The following ZMPSTE24 variants were observed in gnomAD, a reference collection of about 807,000 sequenced individuals.
The protein encoded by ZMPSTE24 is zinc metallopeptidase STE24.
ZMPSTE24 carries 48 observed loss-of-function variants against 56.7 expected under a neutral mutation model. The ratio of observed to expected loss-of-function variants is 0.85; its 90% CI spans 0.67 to 1.08. The LOEUF (loss-of-function observed/expected upper bound fraction) is 1.08. ZMPSTE24 is among the 50% of genes least tolerant of loss of function. The pLI is 0.00. For missense variants in ZMPSTE24, 503 were observed against 548.7 expected, an observed-to-expected ratio of 0.92 and a Z score of 0.83; for synonymous variants, 172 against 195.2, an observed-to-expected ratio of 0.88 and a Z score of 0.99.
Position 40,270,235 on chromosome 1 carries a change from A to C in ZMPSTE24, c.627+108A>C. The C allele has an allele frequency of 2.4e-6, 3 of 1,264,054 alleles. No homozygotes were observed. The East Asian group carries it at 7.0e-5, about 29-fold the overall frequency. 78.3% of individuals were successfully genotyped at this position (1,264,054 alleles called of 1,614,324 possible). ...CTTAAGAAGCAGCTGAAATATAAATAGGTGCTTATATACATTTCCCCCTTG... is the reference window on the plus strand; with the variant it reads ...CTTAAGAAGCAGCTGAAATATAAATCGGTGCTTATATACATTTCCCCCTTG... On this transcript the variant is annotated intron_variant, in intron 5 of 9. Coordinates refer to ENST00000372759, the MANE Select transcript of ZMPSTE24 (RefSeq NM_005857.5).
At chr1:40,269,488 C>G (rs1643591487) in intron 4 of ZMPSTE24, among the ~76,000 whole-genome samples, 1 of 152,112 alleles carries the variant, frequency 6.6e-6, no homozygotes, top group Non-Finnish European at 1.5e-5. Flanking sequence ...GCGACAGGGT[C>G]TCGTTCTGTC....
At chr1:40,268,020 C>A in intron 3 of ZMPSTE24, 148 bp downstream of exon 3, 1 of 717,014 alleles carries the variant, frequency 1.4e-6, no homozygotes, top group Non-Finnish European at 2.5e-6. Flanking sequence ...ATTGGCATAA[C>A]ATTAGTTACA....
chr1:40,263,493 T>G (rs113470232), intron 2 of ZMPSTE24, among the ~76,000 whole-genome samples: 7 of 152,330 alleles, frequency 4.6e-5, no homozygotes, highest in African/African-American at 1.7e-4. Flanking sequence ...CTGCTGAGTC[T>G]TTAAAATGAC....
intron 8 of ZMPSTE24, among the ~76,000 whole-genome samples, chr1:40,290,102 G>A (rs1042846440): frequency 6.6e-6 from 1 of 152,070 alleles, no homozygotes; most frequent in African/African-American, 2.4e-5. Context: ...AAAAACTACT[G>A]GCGGGGCAGT....
At chr1:40,269,657 G>A (rs994740973) in intron 4 of ZMPSTE24, among the ~76,000 whole-genome samples, 1 of 151,974 alleles carries the variant, frequency 6.6e-6, no homozygotes, top group African/African-American at 2.4e-5. Context: ...GTAGTGACAG[G>A]GTCTCACTAT....
intron 8 of ZMPSTE24, 58 bp downstream of exon 8, chr1:40,286,087 C>A (rs1643784759): frequency 6.8e-7 from 1 of 1,467,448 alleles, no homozygotes; most frequent in Non-Finnish European, 9.5e-7. Flanking sequence ...AGAACTATGG[C>A]AGGCATGAGA....
At chr1:40,288,255 C>A (rs1257470910) in intron 8 of ZMPSTE24, among the ~76,000 whole-genome samples, 1 of 152,186 alleles carries the variant, frequency 6.6e-6, no homozygotes, top group Non-Finnish European at 1.5e-5. Flanking sequence ...TGGGCACTTT[C>A]CTATATCTTT....
intron 2 of ZMPSTE24, 28 bp from the exon 3 acceptor site, chr1:40,267,758 T>A (rs1238961510): frequency 2.0e-6 from 3 of 1,507,846 alleles, no homozygotes; most frequent in Non-Finnish European, 2.8e-6. Context: ...ACTGTTCAAC[T>A]GTGATCAAAG....
intron 1 of ZMPSTE24, among the ~76,000 whole-genome samples, chr1:40,258,635 C>T (rs1041448923): frequency 1.3e-5 from 2 of 152,148 alleles, no homozygotes; most frequent in African/African-American, 4.8e-5. Flanking sequence ...TGGAGGAAGG[C>T]TTGGGCTCTT....
chr1:40,261,721 TTGTTTTTGAGCAGTGTCTTGCTC>T (rs1049611866), intron 2 of ZMPSTE24, among the ~76,000 whole-genome samples: 2 of 152,128 alleles, frequency 1.3e-5, no homozygotes, highest in African/African-American at 4.8e-5. Flanking sequence ...TGTTTTGTTT[TTGTTTTTGAGCAGTGTCTTGCTC>T]TGTCGCCCAG....
intron 7 of ZMPSTE24, among the ~76,000 whole-genome samples, chr1:40,284,684 G>T (rs373708410): frequency 6.6e-6 from 1 of 152,156 alleles, no homozygotes; most frequent in African/African-American, 2.4e-5. Context: ...CCCAGGAGGT[G>T]GAGGTTGCCG....
intron 6 of ZMPSTE24, among the ~76,000 whole-genome samples, 154 bp from the exon 7 acceptor site, chr1:40,281,189 G>A (rs1643725179): frequency 6.6e-6 from 1 of 152,216 alleles, no homozygotes; most frequent in Non-Finnish European, 1.5e-5. Flanking sequence ...ACTCTCCACT[G>A]CTGGTGGTGA....
chr1:40,279,741 C>G (rs992094692), intron 6 of ZMPSTE24, among the ~76,000 whole-genome samples: 2 of 152,014 alleles, frequency 1.3e-5, no homozygotes, highest in African/African-American at 4.8e-5. Flanking sequence ...TTGCCCAGTG[C>G]TGGTTGCAGG....
intron 6 of ZMPSTE24, among the ~76,000 whole-genome samples, chr1:40,277,475 T>C (rs946179661): frequency 1.3e-5 from 2 of 152,130 alleles, no homozygotes; most frequent in Non-Finnish European, 2.9e-5. Flanking sequence ...GATTCTGACT[T>C]AGTAGGTGTT....
intron 2 of ZMPSTE24, among the ~76,000 whole-genome samples, chr1:40,262,123 A>G (rs904184755): frequency 2.6e-5 from 4 of 152,202 alleles, no homozygotes; most frequent in Non-Finnish European, 5.9e-5. Flanking sequence ...ATCAGCTACC[A>G]TCATTGTTTC....
chr1:40,288,580 CTATTCA>C (rs1643809158), intron 8 of ZMPSTE24, among the ~76,000 whole-genome samples: 2 of 152,310 alleles, frequency 1.3e-5, no homozygotes, highest in Middle Eastern at 3.4e-3. Context: ...TGTGGCCACT[CTATTCA>C]TAAGTCCCTT....
intron 2 of ZMPSTE24, among the ~76,000 whole-genome samples, chr1:40,265,623 G>C (rs1018356251): frequency 2.0e-5 from 3 of 152,116 alleles, no homozygotes; most frequent in Non-Finnish European, 2.9e-5. Context: ...TTGAACCCAG[G>C]AGTTCAAAAA....
At chr1:40,269,292 G>C (rs954886121) in intron 4 of ZMPSTE24, among the ~76,000 whole-genome samples, 1 of 151,886 alleles carries the variant, frequency 6.6e-6, no homozygotes, top group African/African-American at 2.4e-5. Flanking sequence ...CTACTTGGGA[G>C]GCTAAAGCAG....
rs1402953071 is a variant in ZMPSTE24 at position 40,285,989 on chromosome 1, G to A, written c.1019G>A (p.Trp340Ter). The A allele has an allele frequency of 5.0e-6, 8 of 1,614,104 alleles. No individual in the cohort carries two copies. The highest frequency in any genetic ancestry group is 5.9e-6 in the Non-Finnish European group (7 of 1,179,986). Residue 340 changes from tryptophan (W) to a stop codon, truncating the protein, a stop_gained, in exon 8 of 10, where the codon TGG becomes TAG. Coordinates refer to ENST00000372759, the MANE Select transcript of ZMPSTE24 (RefSeq NM_005857.5). LOFTEE classifies it high-confidence loss of function. ...GTACTAGGCCATGAACTGGGGCACT[G>A]GAAGTTGGGACATACAGTCAAAAAT... ...LAVLGHELGH[W>*]KLGHTVKNII... is the part of the protein sequence containing the mutation.
Sources: gnomAD v4.1 joint callset for allele counts (sites outside exome capture counted in the v4.1 genomes callset) on GRCh38, gnomAD v4.1.1 for gene constraint, MANE v1.5 for transcripts, NCBI Gene and HGNC (gene_info 2026-07-23, HGNC 2026-07-21) for gene names.